The following RASEF variants were observed in gnomAD, a reference collection of about 807,000 sequenced individuals.
RASEF encodes ras and EF-hand domain-containing protein.
A neutral mutation model predicts 90.1 loss-of-function variants in RASEF; 68 were observed. That is an observed-to-expected ratio of 0.75 (90% CI 0.62 to 0.92). The LOEUF is 0.92. RASEF is among the 40% of genes least tolerant of loss of function. The pLI, the probability that RASEF is intolerant of heterozygous loss-of-function variation, is 0.00. For synonymous variants in RASEF, 331 were observed against 345.2 expected (o/e 0.96, Z 0.46); for missense variants, 949 against 937.2 (o/e 1.01, Z -0.16).
chr9:83,154,952 C>T, the RASEF span, among the ~76,000 whole-genome samples: 4 of 152,114 alleles, frequency 2.6e-5, no homozygotes, highest in African/African-American at 4.8e-5. Flanking sequence ...AAGATCACAC[C>T]GAAAGGAGGT....
the RASEF span, among the ~76,000 whole-genome samples, chr9:83,178,271 A>G: frequency 3.9e-5 from 6 of 152,204 alleles, no homozygotes; most frequent in Non-Finnish European, 8.8e-5. Flanking sequence ...ACCCCAAGGT[A>G]CTATGCAGAC....
chr9:83,004,811 T>C (rs931285392), intron 8 of RASEF, among the ~76,000 whole-genome samples: 3 of 152,322 alleles, frequency 2.0e-5, no homozygotes, highest in African/African-American at 7.2e-5. Flanking sequence ...TCATCCTATC[T>C]TACGTCCAAA....
At chr9:83,109,073 A>C in the RASEF span, among the ~76,000 whole-genome samples, 939 of 152,356 alleles carry the variant, frequency 6.2e-3, 9 homozygotes, top group African/African-American at 0.021. Context: ...GAATATTGGC[A>C]CATCTATTCA....
At chr9:83,042,462 A>ACCTACTT (rs1829859789) in intron 1 of RASEF, among the ~76,000 whole-genome samples, 1 of 152,202 alleles carries the variant, frequency 6.6e-6, no homozygotes, top group Admixed American at 6.5e-5. Flanking sequence ...CTGGCTGGGC[A>ACCTACTT]CCTACTTCTT....
intron 3 of RASEF, among the ~76,000 whole-genome samples, chr9:83,020,942 T>C (rs76482823): frequency 0.014 from 2,095 of 152,326 alleles, 44 homozygotes; most frequent in African/African-American, 0.048. Context: ...GGGTTATCCA[T>C]TGCTCTGAAG....
At chr9:83,038,481 A>G (rs1829782483) in intron 1 of RASEF, among the ~76,000 whole-genome samples, 1 of 152,172 alleles carries the variant, frequency 6.6e-6, no homozygotes, top group Non-Finnish European at 1.5e-5. Context: ...TTATAGAAAA[A>G]ATTAAGAATA....
At chr9:83,102,609 G>GCAGGGCTACAC in the RASEF span, among the ~76,000 whole-genome samples, 1 of 152,140 alleles carries the variant, frequency 6.6e-6, no homozygotes, top group Non-Finnish European at 1.5e-5. Context: ...GGCTACACAC[G>GCAGGGCTACAC]AGTTCAGGCA....
chr9:83,218,305 A>T, the RASEF span, among the ~76,000 whole-genome samples: 23 of 151,902 alleles, frequency 1.5e-4, no homozygotes, highest in Admixed American at 5.2e-4. Flanking sequence ...ATAGATGGTA[A>T]CTCTTTTGGG....
chr9:83,137,774 A>AT, the RASEF span, among the ~76,000 whole-genome samples: 1 of 134,834 alleles, frequency 7.4e-6, no homozygotes, highest in South Asian at 2.6e-4. Flanking sequence ...GCCACAAGGG[A>AT]TTTTTATACA....
At chr9:83,198,307 G>A in the RASEF span, among the ~76,000 whole-genome samples, 1 of 152,176 alleles carries the variant, frequency 6.6e-6, no homozygotes, top group Non-Finnish European at 1.5e-5. Context: ...TTTAGGTAAA[G>A]ACTACTCAAT....
At chr9:83,024,759 C>T (rs542975684) in intron 2 of RASEF, among the ~76,000 whole-genome samples, 1 of 152,322 alleles carries the variant, frequency 6.6e-6, no homozygotes, top group South Asian at 2.1e-4. Context: ...TTCTTTTCTA[C>T]ATCGTAATGA....
the RASEF span, among the ~76,000 whole-genome samples, chr9:83,150,564 C>A: frequency 6.6e-6 from 1 of 152,048 alleles, no homozygotes; most frequent in East Asian, 1.9e-4. Flanking sequence ...TCATTATTCT[C>A]TTGAATTATT....
Position 83,055,673 on chromosome 9 carries a change from T to C in RASEF, c.431+6764A>G, listed in dbSNP as rs1241736361. The stretch of plus-strand genomic sequence containing the variant: ...AACACAAATGCAGGTTTTGAAATTG[T>C]GTAGCCAAATCTGTAATACAAAAGT... On this transcript the variant is annotated intron_variant, in intron 1 of 16. Coordinates refer to ENST00000376447, the MANE Select transcript of RASEF (RefSeq NM_152573.4). 7.0e-6 allele frequency: 5 copies of C among 718,020 alleles called. No homozygotes were observed. In the Admixed American group the frequency reaches 1.0e-4, roughly 14 times the overall value. 44.5% of individuals were successfully genotyped at this position (718,020 alleles called of 1,614,324 possible). A position where few individuals can be genotyped will look rare whatever the true frequency, so the allele number is the denominator to read the frequency against.
chr9:83,186,901 G>A, the RASEF span, among the ~76,000 whole-genome samples: 1 of 151,864 alleles, frequency 6.6e-6, no homozygotes, highest in Non-Finnish European at 1.5e-5. Flanking sequence ...CCAACACCTT[G>A]GCCAATTCTT....
the RASEF span, among the ~76,000 whole-genome samples, chr9:83,103,940 G>A: frequency 6.6e-6 from 1 of 152,206 alleles, no homozygotes; most frequent in South Asian, 2.1e-4. Context: ...ATTCAATTAG[G>A]GAATTTCCCC....
the RASEF span, among the ~76,000 whole-genome samples, chr9:83,183,262 G>GTATA: frequency 2.5e-4 from 37 of 150,252 alleles, no homozygotes; most frequent in South Asian, 1.5e-3. Flanking sequence ...TTGTGTGTGT[G>GTATA]TATATATATA....
the RASEF span, among the ~76,000 whole-genome samples, chr9:83,142,352 T>C: frequency 4.7e-4 from 71 of 152,194 alleles, 1 homozygote; most frequent in African/African-American, 1.7e-3. Context: ...GTCAAAGCAA[T>C]AGAAATATAA....
At chr9:83,090,888 C>CTTA in the RASEF span, among the ~76,000 whole-genome samples, 1 of 151,774 alleles carries the variant, frequency 6.6e-6, no homozygotes, top group Admixed American at 6.6e-5. Context: ...TTATTATGAT[C>CTTA]TTATTATTAT....
At chr9:83,008,524 T>C (rs1352639359) in intron 6 of RASEF, among the ~76,000 whole-genome samples, 1 of 152,054 alleles carries the variant, frequency 6.6e-6, no homozygotes, top group Non-Finnish European at 1.5e-5. Context: ...AAAATGGACA[T>C]AATGAAGGTC....
Sources: allele counts gnomAD v4.1 joint callset (sites outside exome capture counted in the v4.1 genomes callset), GRCh38; gene constraint gnomAD v4.1.1; transcripts MANE v1.5; gene names NCBI Gene and HGNC (gene_info 2026-07-23, HGNC 2026-07-21).